The following STAU2 variants were observed in gnomAD, a reference collection of about 807,000 sequenced individuals.
STAU2 encodes the protein double-stranded RNA-binding protein Staufen homolog 2.
A neutral mutation model predicts 65.9 loss-of-function variants in STAU2; 20 were observed. The observed-to-expected ratio is 0.30, with a 90% CI of 0.21 to 0.44. STAU2 has a LOEUF of 0.44. Among genes scored for constraint, STAU2 ranks in the 20% least tolerant of loss-of-function variants. The pLI is 1.00. For missense variants in STAU2, 558 were observed against 683.9 expected (o/e 0.82, Z 2.05); for synonymous variants, 232 against 233.9 (o/e 0.99, Z 0.07).
intron 11 of STAU2, among the ~76,000 whole-genome samples, chr8:73,590,155 A>G (rs897994669): frequency 6.6e-6 from 1 of 151,386 alleles, no homozygotes; most frequent in Non-Finnish European, 1.5e-5. Context: ...AAGGAAGAGG[A>G]TAAGAAGGAG....
chr8:73,567,061 C>T (rs1479058884), intron 12 of STAU2, among the ~76,000 whole-genome samples: 2 of 152,234 alleles, frequency 1.3e-5, no homozygotes, highest in Non-Finnish European at 1.5e-5. Context: ...CTGGATCACA[C>T]CTAAATTCCT....
intron 10 of STAU2, among the ~76,000 whole-genome samples, chr8:73,596,452 T>C (rs1445147962): frequency 1.3e-5 from 2 of 152,180 alleles, no homozygotes; most frequent in Non-Finnish European, 2.9e-5. Flanking sequence ...CAAAAAAGGA[T>C]AGAATTACAA....
chr8:73,667,632 T>G (rs1398422630), intron 6 of STAU2, among the ~76,000 whole-genome samples: 1 of 152,146 alleles, frequency 6.6e-6, no homozygotes, highest in Non-Finnish European at 1.5e-5. Context: ...CATAGCACCA[T>G]CGGGGCACAT....
At chr8:73,714,563 A>G (rs1473028024) in intron 3 of STAU2, among the ~76,000 whole-genome samples, 6 of 152,324 alleles carry the variant, frequency 3.9e-5, no homozygotes, top group African/African-American at 1.4e-4. Context: ...TGCAAAATAC[A>G]AAAATTTCAC....
At chr8:73,490,624 G>A (rs1280218488) in intron 13 of STAU2, among the ~76,000 whole-genome samples, 2 of 152,004 alleles carry the variant, frequency 1.3e-5, no homozygotes, top group Non-Finnish European at 2.9e-5. Context: ...GCTCCAAGGA[G>A]TATAGCTCTA....
intron 6 of STAU2, among the ~76,000 whole-genome samples, chr8:73,625,752 T>C (rs1275041406): frequency 6.6e-6 from 1 of 152,296 alleles, no homozygotes; most frequent in East Asian, 1.9e-4. Flanking sequence ...ATGTTGATAC[T>C]CCCTAGGGTT....
At chr8:73,645,403 A>G (rs1316344768) in intron 6 of STAU2, among the ~76,000 whole-genome samples, 1 of 152,184 alleles carries the variant, frequency 6.6e-6, no homozygotes, top group Non-Finnish European at 1.5e-5. Flanking sequence ...ATTCACGATA[A>G]AAAAAATTCT....
chr8:73,727,376 C>T (rs989378330), intron 3 of STAU2, among the ~76,000 whole-genome samples: 30 of 152,340 alleles, frequency 2.0e-4, no homozygotes, highest in Admixed American at 1.3e-3. Context: ...AGTTGCTTCT[C>T]ATTCACCCTT....
chr8:73,600,318 C>A (rs1477624109), intron 10 of STAU2, among the ~76,000 whole-genome samples: 1 of 152,090 alleles, frequency 6.6e-6, no homozygotes, highest in East Asian at 1.9e-4. Flanking sequence ...ATAGTTTAAA[C>A]CTGTGAAATA....
intron 3 of STAU2, among the ~76,000 whole-genome samples, chr8:73,736,776 T>G (rs58783533): frequency 0.075 from 11,432 of 152,196 alleles, 464 homozygotes; most frequent in Middle Eastern, 0.15. Flanking sequence ...AACTTAGAAG[T>G]CATTAGCTTA....
intron 12 of STAU2, among the ~76,000 whole-genome samples, chr8:73,569,916 G>A (rs2128954973): frequency 6.6e-6 from 1 of 152,302 alleles, no homozygotes; most frequent in East Asian, 1.9e-4. Context: ...CTCCTCCAAA[G>A]GAATACAGCT....
At chr8:73,605,876 C>G (rs373671376) in intron 9 of STAU2, among the ~76,000 whole-genome samples, 1 of 23,618 alleles carries the variant, frequency 4.2e-5, no homozygotes, top group Non-Finnish European at 1.1e-4. Context: ...CACACACACA[C>G]ATACACACAC....
At chr8:73,723,191 G>T (rs1280668984) in intron 3 of STAU2, among the ~76,000 whole-genome samples, 1 of 151,972 alleles carries the variant, frequency 6.6e-6, no homozygotes, top group Non-Finnish European at 1.5e-5. Context: ...TTAACCTAAT[G>T]CTCACATCTC....
intron 13 of STAU2, among the ~76,000 whole-genome samples, chr8:73,530,100 G>C (rs1229011458): frequency 6.6e-6 from 1 of 152,174 alleles, no homozygotes; most frequent in African/African-American, 2.4e-5. Context: ...ACCTAGATGA[G>C]AGTAGTGAGT....
intron 3 of STAU2, among the ~76,000 whole-genome samples, chr8:73,714,766 T>G (rs1821125450): frequency 6.6e-6 from 1 of 152,026 alleles, no homozygotes; most frequent in South Asian, 2.1e-4. Flanking sequence ...TTACTTTTTG[T>G]ATACAGAAGA....
chr8:73,516,009 T>C (rs541155459), intron 13 of STAU2, among the ~76,000 whole-genome samples: 44 of 151,122 alleles, frequency 2.9e-4, no homozygotes, highest in African/African-American at 7.8e-4. Context: ...TCATGACTCA[T>C]TGAAGCCTCA....
chr8:73,687,054 A>G (rs183965325), intron 5 of STAU2, among the ~76,000 whole-genome samples: 142 of 148,608 alleles, frequency 9.6e-4, no homozygotes, highest in African/African-American at 1.1e-3. Flanking sequence ...CACCATGCCC[A>G]GCCAATTTTT....
intron 13 of STAU2, chr8:73,550,851 A>C (rs922253771): frequency 3.2e-5 from 32 of 987,422 alleles, no homozygotes; most frequent in Admixed American, 6.2e-5. Context: ...GGGTTCGGTG[A>C]AGTGAAAAAA....
Position 73,651,327 on chromosome 8 carries a change from T to C in STAU2, c.410+21780A>G, listed in dbSNP as rs547643505. 53 of 680,496 alleles carry C rather than the reference T, an allele frequency of 7.8e-5. 1 individual carries two copies. Among genetic ancestry groups the C allele is most frequent in the Admixed American group, 5.8e-4 (29 of 50,412 alleles). The allele number at this position is 680,496 out of a possible 1,614,324, so 42.2% of individuals were successfully genotyped here. A position where few individuals can be genotyped will look rare whatever the true frequency, so the allele number is the denominator to read the frequency against. ...TTCACCACGGAGCAGGTCCGTGGCTTGGAGGGCATCTTCCAGCACCACCAG... is the reference window on the plus strand; with the variant it reads ...TTCACCACGGAGCAGGTCCGTGGCTCGGAGGGCATCTTCCAGCACCACCAG... On this transcript the variant is annotated intron_variant, in intron 6 of 14. Transcript: ENST00000524300.
Sources: allele counts gnomAD v4.1 joint callset (sites outside exome capture counted in the v4.1 genomes callset), GRCh38; gene constraint gnomAD v4.1.1; transcripts MANE v1.5; gene names NCBI Gene and HGNC (gene_info 2026-07-23, HGNC 2026-07-21).